TRPC1: variants seen among roughly 807,000 people sequenced by gnomAD.
The protein encoded by TRPC1 is transient receptor potential cation channel subfamily C member 1.
In TRPC1, 42 loss-of-function variants were observed where a neutral mutation model predicts 88.2. The observed-to-expected ratio is 0.48, with a 90% CI of 0.37 to 0.62. The LOEUF is 0.62. Ranked by LOEUF, TRPC1 falls within the 20% of genes least tolerant of loss-of-function variation. The probability of loss-of-function intolerance (pLI) is 0.00; values close to 1 mark genes in which losing one functional copy is unlikely to be tolerated. For missense variants in TRPC1, 699 were observed against 957.3 expected, an observed-to-expected ratio of 0.73 and a Z score of 3.56; for synonymous variants, 288 against 331.8, an observed-to-expected ratio of 0.87 and a Z score of 1.43.
chr3:142,805,778 T>G (rs529317486), intron 12 of TRPC1, among the ~76,000 whole-genome samples: 1 of 152,268 alleles, frequency 6.6e-6, no homozygotes, highest in Non-Finnish European at 1.5e-5. Flanking sequence ...AACTAAGGAT[T>G]CCTAAGACTA....
rs755258798 is a variant in TRPC1, at chr3:142,806,041, A to C, written c.2188A>C (p.Asn730His). The C allele has an allele frequency of 1.2e-6, 2 of 1,613,820 alleles. No homozygotes were observed. Among genetic ancestry groups the C allele is most frequent in the Non-Finnish European group, 1.7e-6 (2 of 1,179,798 alleles). ...GAATTTGAAACAGAAGAGAGATGAA[A>C]ACTATCAAAAAGTGATGTGCTGCCT... ...WRNLKQKRDENYQKVMCCLVH... is the reference protein window; with the variant it reads ...WRNLKQKRDEHYQKVMCCLVH... The change falls in exon 13 of 13, where the codon AAC becomes CAC. Residue 730 changes from asparagine (N) to histidine (H), a missense_variant. By Grantham distance (68) the Asn-to-His change is moderately conservative. Around this residue, in one of 4 missense-constraint regions of TRPC1, gnomAD observed 105 missense variants for 141.7 expected, o/e 0.74. Transcript: ENST00000476941.
chr3:142,724,509 C>A lies in TRPC1; in HGVS notation c.-51C>A. 1 of 1,461,012 alleles carries A rather than the reference C, an allele frequency of 6.8e-7. No homozygotes were observed. Among genetic ancestry groups the A allele is most frequent in the Non-Finnish European group, 9.0e-7 (1 of 1,111,320 alleles). 90.5% of individuals were successfully genotyped at this position (1,461,012 alleles called of 1,614,324 possible). ...GCTGGGGTCGGGGTCGGGGTCGGGGCCGGTGGGGGCCCCGCCCCCGTCTCC... is the reference window on the plus strand; with the variant it reads ...GCTGGGGTCGGGGTCGGGGTCGGGGACGGTGGGGGCCCCGCCCCCGTCTCC... On this transcript the variant is annotated 5_prime_UTR_variant, in exon 1 of 13. Coordinates refer to ENST00000476941, the MANE Select transcript of TRPC1 (RefSeq NM_001251845.2). This position sits in a 1 kb window ranked among gnomAD's most constrained non-coding sequence, Gnocchi z 5.6.
In TRPC1 at chr3:142,724,378, A is replaced by T; in HGVS notation, c.-182A>T. Reference sequence around the variant, plus strand: ...GCCACCAACTTGGGGCTGTCAGTGGAGGGCGAGTGCTGGTTCTCAGGGGAG... The same window carrying T: ...GCCACCAACTTGGGGCTGTCAGTGGTGGGCGAGTGCTGGTTCTCAGGGGAG... On this transcript the variant is annotated 5_prime_UTR_variant, in exon 1 of 13. Coordinates refer to ENST00000476941, the MANE Select transcript of TRPC1 (RefSeq NM_001251845.2). The surrounding 1 kb of genome is among the most constrained non-coding windows in gnomAD (Gnocchi z 5.6). 2.1e-6 allele frequency: 1 copy of T among 468,200 alleles called. No individual in the cohort carries two copies. The allele number at this position is 468,200 out of a possible 1,614,324, so 29.0% of individuals were successfully genotyped here.
At chr3:142,774,578 G>A (rs1376259259) in intron 4 of TRPC1, among the ~76,000 whole-genome samples, 5 of 152,332 alleles carry the variant, frequency 3.3e-5, no homozygotes, top group Admixed American at 6.5e-5. Flanking sequence ...GGGGGCAGGG[G>A]TGATGGAGGC....
At chr3:142,757,139 G>A (rs1934999191) in intron 4 of TRPC1, among the ~76,000 whole-genome samples, 1 of 152,054 alleles carries the variant, frequency 6.6e-6, no homozygotes, top group Admixed American at 6.6e-5. Flanking sequence ...TGGGTACTTA[G>A]GTTGAGTCCA....
At chr3:142,740,518 G>T (rs913878364) in intron 2 of TRPC1, among the ~76,000 whole-genome samples, 5 of 152,202 alleles carry the variant, frequency 3.3e-5, no homozygotes, top group Non-Finnish European at 5.9e-5. Context: ...AGAGCAAAGG[G>T]CTGGTGCAGA....
At chr3:142,797,073 T>TAAGA (rs10675546) in intron 9 of TRPC1, among the ~76,000 whole-genome samples, 16,302 of 151,960 alleles carry the variant, frequency 0.11, 1,250 homozygotes, top group African/African-American at 0.21. Context: ...AGTGCTATGA[T>TAAGA]AAGAAGTCCT....
intron 4 of TRPC1, among the ~76,000 whole-genome samples, chr3:142,764,943 T>G (rs1247832228): frequency 6.6e-6 from 1 of 152,150 alleles, no homozygotes; most frequent in Non-Finnish European, 1.5e-5. Context: ...TCTTTGTTCC[T>G]TTTTGTTCTT....
intron 4 of TRPC1, 127 bp downstream of exon 4, chr3:142,748,587 C>CTT: frequency 1.2e-6 from 1 of 865,444 alleles, no homozygotes; most frequent in African/African-American, 1.7e-5. Context: ...GAAAGCCAAA[C>CTT]TTGTAGCTCC....
chr3:142,763,983 TACACATACATAC>T (rs1313627619), intron 4 of TRPC1, among the ~76,000 whole-genome samples: 990 of 73,520 alleles, frequency 0.013, 86 homozygotes, highest in African/African-American at 0.05. Context: ...TATATATATA[TACACATACATAC>T]ATACATATAT....
chr3:142,775,289 C>T (rs1935728556), intron 4 of TRPC1, among the ~76,000 whole-genome samples: 2 of 152,028 alleles, frequency 1.3e-5, no homozygotes, highest in East Asian at 1.9e-4. Context: ...TTGGAATTTC[C>T]GTATAGAAAA....
chr3:142,774,972 A>G (rs1935710465), intron 4 of TRPC1, among the ~76,000 whole-genome samples: 1 of 152,212 alleles, frequency 6.6e-6, no homozygotes, highest in Admixed American at 6.5e-5. Flanking sequence ...GAGACATGAT[A>G]AAGTAGGTTA....
chr3:142,760,464 T>A (rs1301464913), intron 4 of TRPC1, among the ~76,000 whole-genome samples: 1 of 152,218 alleles, frequency 6.6e-6, no homozygotes, highest in African/African-American at 2.4e-5. Context: ...GCCAGTACCA[T>A]GCTGTTTGGG....
At position 142,728,400 on chromosome 3, in the gene TRPC1, C is replaced by T. The variant is rs569431843; in HGVS notation, c.172+3669C>T. On this transcript the variant is annotated intron_variant, in intron 1 of 12. Coordinates refer to ENST00000476941, the MANE Select transcript of TRPC1 (RefSeq NM_001251845.2). The stretch of plus-strand genomic sequence containing the variant: ...AGGCTGGAGTGCAGTGCAACCTCCG[C>T]CTCCCGGGTTCCAGCGATTCTCCGG... Among the ~76,000 whole-genome samples, 59 of 151,736 alleles carry T rather than the reference C, an allele frequency of 3.9e-4. 1 individual carries two copies. In the South Asian group the frequency reaches 0.012, roughly 31 times the overall value.
At chr3:142,757,852 T>G (rs1282867267) in intron 4 of TRPC1, among the ~76,000 whole-genome samples, 1 of 152,134 alleles carries the variant, frequency 6.6e-6, no homozygotes. Context: ...AGTACATATA[T>G]GTATTTATTG....
At chr3:142,741,898 C>T (rs2108032234) in intron 2 of TRPC1, among the ~76,000 whole-genome samples, 1 of 152,330 alleles carries the variant, frequency 6.6e-6, no homozygotes. Context: ...CGCAGTGGCT[C>T]ACGCCTGTAA....
intron 1 of TRPC1, among the ~76,000 whole-genome samples, chr3:142,725,789 G>A (rs905788539): frequency 7.2e-5 from 11 of 152,128 alleles, no homozygotes; most frequent in African/African-American, 2.7e-4. Flanking sequence ...GTTTGTATGT[G>A]TGAATGTGTA....
At chr3:142,805,353 G>A (rs1479811429) in intron 12 of TRPC1, among the ~76,000 whole-genome samples, 2 of 151,986 alleles carry the variant, frequency 1.3e-5, no homozygotes, top group Non-Finnish European at 2.9e-5. Context: ...CTTCTTGAAA[G>A]TTATTCAATA....
chr3:142,799,622 A>T (rs988722496), intron 9 of TRPC1, among the ~76,000 whole-genome samples: 1 of 152,198 alleles, frequency 6.6e-6, no homozygotes, highest in South Asian at 2.1e-4. Context: ...CCTGGGCAAC[A>T]TAGCAAGACC....
Sources: gnomAD v4.1 joint callset for allele counts (sites outside exome capture counted in the v4.1 genomes callset) on GRCh38, gnomAD v4.1.1 for gene constraint, gnomAD v4.1.1 regional missense constraint, Gnocchi (gnomAD v3.1) non-coding constraint, MANE v1.5 for transcripts, NCBI Gene and HGNC (gene_info 2026-07-23, HGNC 2026-07-21) for gene names.